The following RPH3AL variants were observed in gnomAD, a reference collection of about 807,000 sequenced individuals.
The protein encoded by RPH3AL is rabphilin 3A like (without C2 domains), also known as rab effector Noc2.
A neutral mutation model predicts 43.1 loss-of-function variants in RPH3AL; 38 were observed. That is an observed-to-expected ratio of 0.88 (90% CI 0.68 to 1.15). The LOEUF (loss-of-function observed/expected upper bound fraction) is 1.15. Ranked by LOEUF, RPH3AL falls within the 50% of genes most tolerant of loss-of-function variation. The pLI, the probability that RPH3AL is intolerant of heterozygous loss-of-function variation, is 0.00. For synonymous variants in RPH3AL, 189 were observed against 176.3 expected (o/e 1.07, Z -0.57); for missense variants, 462 against 423.2 (o/e 1.09, Z -0.81).
chr17:336,211 G>C (rs1263557359), intron 1 of RPH3AL, among the ~76,000 whole-genome samples: 1 of 152,168 alleles, frequency 6.6e-6, no homozygotes, highest in East Asian at 1.9e-4. Flanking sequence ...CTGTTACTAT[G>C]ACACGGGAAA....
chr17:320,355 G>A (rs1021062970), intron 4 of RPH3AL, among the ~76,000 whole-genome samples: 7 of 152,120 alleles, frequency 4.6e-5, no homozygotes, highest in Non-Finnish European at 7.4e-5. Context: ...TAAAGATAAG[G>A]CCGGGCAGGG....
intron 5 of RPH3AL, among the ~76,000 whole-genome samples, chr17:299,087 C>A (rs968074850): frequency 1.2e-4 from 18 of 152,040 alleles, no homozygotes; most frequent in African/African-American, 4.1e-4. Flanking sequence ...GGGACAGTGA[C>A]CTAATCGGAG....
At chr17:230,679 G>C (rs1023817889) in intron 7 of RPH3AL, among the ~76,000 whole-genome samples, 1 of 152,150 alleles carries the variant, frequency 6.6e-6, no homozygotes, top group African/African-American at 2.4e-5. Flanking sequence ...GATGGCTTTT[G>C]GTTTATGAAA....
intron 7 of RPH3AL, among the ~76,000 whole-genome samples, chr17:232,573 C>T (rs1019542007): frequency 3.3e-5 from 5 of 152,192 alleles, no homozygotes; most frequent in Non-Finnish European, 5.9e-5. Context: ...GGCAGTGCAG[C>T]GTCACCCCCC....
intron 2 of RPH3AL, chr17:331,994 G>T: frequency 1.4e-6 from 1 of 737,048 alleles, no homozygotes; most frequent in South Asian, 1.5e-5. Context: ...TTGGCCTGGG[G>T]AGCAGAGGCA....
chr17:316,418 C>T (rs1181824596), intron 5 of RPH3AL, among the ~76,000 whole-genome samples: 6 of 134,790 alleles, frequency 4.5e-5, no homozygotes, highest in Admixed American at 7.5e-5. Context: ...GTCCCTGTGA[C>T]CCCACCTCCA....
At chr17:216,914 G>T (rs973715853) in intron 8 of RPH3AL, among the ~76,000 whole-genome samples, 1 of 152,272 alleles carries the variant, frequency 6.6e-6, no homozygotes, top group Middle Eastern at 3.4e-3. Flanking sequence ...CTCTGATTTA[G>T]CTCAAACTTC....
intron 1 of RPH3AL, among the ~76,000 whole-genome samples, chr17:347,210 A>T (rs1598173784): frequency 1.2e-5 from 1 of 81,518 alleles, no homozygotes; most frequent in East Asian, 4.8e-4. Flanking sequence ...GTGAGCCAGG[A>T]TCATGCCACT....
intron 1 of RPH3AL, among the ~76,000 whole-genome samples, chr17:350,480 G>T (rs927353796): frequency 1.3e-5 from 2 of 151,970 alleles, no homozygotes; most frequent in Non-Finnish European, 2.9e-5. Context: ...GCATGGTGGT[G>T]CATGCCTGTA....
At chr17:319,780 G>A (rs1458458659) in intron 4 of RPH3AL, among the ~76,000 whole-genome samples, 1 of 147,544 alleles carries the variant, frequency 6.8e-6, no homozygotes, top group African/African-American at 2.5e-5. Context: ...GCCAGAGACA[G>A]ACATGGTCCC....
At chr17:344,008 C>T (rs1283021566) in intron 1 of RPH3AL, among the ~76,000 whole-genome samples, 1 of 55,488 alleles carries the variant, frequency 1.8e-5, no homozygotes, top group African/African-American at 4.1e-5. Flanking sequence ...TCTCTGTCAT[C>T]ACCACCATCA....
intron 5 of RPH3AL, among the ~76,000 whole-genome samples, chr17:318,384 G>C (rs1209508407): frequency 6.6e-6 from 1 of 152,026 alleles, no homozygotes; most frequent in Admixed American, 6.5e-5. Context: ...TCCGTCTCTG[G>C]GGGTGGAAAA....
At chr17:223,391 G>A (rs1258491511) in intron 7 of RPH3AL, among the ~76,000 whole-genome samples, 1 of 152,160 alleles carries the variant, frequency 6.6e-6, no homozygotes, top group African/African-American at 2.4e-5. Flanking sequence ...AGGAGTCATG[G>A]GCGCCTGTCA....
chr17:224,254 TTCC>T (rs879523435), intron 7 of RPH3AL, among the ~76,000 whole-genome samples: 4,428 of 152,176 alleles, frequency 0.029, 109 homozygotes, highest in Non-Finnish European at 0.045. Context: ...TCTTTAAAGG[TTCC>T]CCATGCCCCC....
chr17:326,663 T>C (rs537827780), intron 3 of RPH3AL, among the ~76,000 whole-genome samples: 1 of 152,206 alleles, frequency 6.6e-6, no homozygotes, highest in South Asian at 2.1e-4. Context: ...GGTGGATCAC[T>C]TGAGGTCAGG....
At position 274,391 on chromosome 17, in the gene RPH3AL, C is replaced by G. The variant is rs1162221993; in HGVS notation, c.438+7377G>C. ...GCAGCAGCTGAAGCCGCCTGGGCAG[C>G]CTTCCTGGCACTTCAGGGCTGCCAG... On this transcript the variant is annotated intron_variant, in intron 6 of 9. Transcript: ENST00000331302. This position sits in a 1 kb window ranked among gnomAD's most constrained non-coding sequence, Gnocchi z 4.7. Among the ~76,000 whole-genome samples the G allele has an allele frequency of 6.6e-6, 1 of 152,250 alleles. No individual in the cohort carries two copies. Among genetic ancestry groups the G allele is most frequent in the Non-Finnish European group, 1.5e-5 (1 of 68,040 alleles).
intron 6 of RPH3AL, among the ~76,000 whole-genome samples, chr17:270,163 G>A (rs2042428369): frequency 6.6e-6 from 1 of 152,156 alleles, no homozygotes; most frequent in South Asian, 2.1e-4. Flanking sequence ...ACGGTGGGGT[G>A]CTCAGGCAGC....
chr17:324,733 A>ATCTATCTATCTATCTATCTATCTATC (rs1567524496), intron 3 of RPH3AL, among the ~76,000 whole-genome samples: 2 of 150,684 alleles, frequency 1.3e-5, no homozygotes, highest in Non-Finnish European at 3.0e-5. Context: ...CTATCTATCT[A>ATCTATCTATCTATCTATCTATCTATC]TGTCTATTTT....
At chr17:251,948 G>A (rs1351280654) in intron 6 of RPH3AL, among the ~76,000 whole-genome samples, 5 of 150,392 alleles carry the variant, frequency 3.3e-5, no homozygotes, top group Non-Finnish European at 5.9e-5. Flanking sequence ...TCCCCCACCC[G>A]CCTTGGAAGT....
Sources: allele counts gnomAD v4.1 joint callset (sites outside exome capture counted in the v4.1 genomes callset), GRCh38; gene constraint gnomAD v4.1.1; non-coding constraint Gnocchi (gnomAD v3.1); transcripts MANE v1.5; gene names NCBI Gene and HGNC (gene_info 2026-07-23, HGNC 2026-07-21).